RAB3C: variants seen among roughly 807,000 people sequenced by gnomAD.
The protein encoded by RAB3C is ras-related protein Rab-3C.
A neutral mutation model predicts 26.4 loss-of-function variants in RAB3C; 17 were observed. The observed-to-expected ratio is 0.64, with a 90% CI of 0.44 to 0.97. The LOEUF (loss-of-function observed/expected upper bound fraction) is 0.97. RAB3C is among the 50% of genes least tolerant of loss of function. The pLI, the probability that RAB3C is intolerant of heterozygous loss-of-function variation, is 0.00. For synonymous variants in RAB3C, 91 were observed against 95.9 expected (o/e 0.95, Z 0.30); for missense variants, 242 against 281.9 (o/e 0.86, Z 1.01).
intron 1 of RAB3C, among the ~76,000 whole-genome samples, chr5:58,611,851 T>C: frequency 6.6e-6 from 1 of 152,102 alleles, no homozygotes. Context: ...TCTTCCAGGG[T>C]TTTTATAGTT....
At chr5:58,837,698 A>C (rs973247363) in intron 4 of RAB3C, among the ~76,000 whole-genome samples, 1 of 150,280 alleles carries the variant, frequency 6.7e-6, no homozygotes, top group African/African-American at 2.4e-5. Flanking sequence ...AGCTGGAAGT[A>C]CAGGTGCCCA....
At position 58,859,086 on chromosome 5, in the gene RAB3C, A is replaced by C. The variant is rs189709204; in HGVS notation, c.*7735A>C. On this transcript the variant is annotated 3_prime_UTR_variant, in exon 5 of 5. Coordinates refer to ENST00000282878, the MANE Select transcript of RAB3C (RefSeq NM_138453.4). Reference sequence around the variant, plus strand: ...TGACTGCACTGTGGAACTCTTCTTAAGAAAATATTGAAAACAGCTTAATGC... The same window carrying C: ...TGACTGCACTGTGGAACTCTTCTTACGAAAATATTGAAAACAGCTTAATGC... The C allele has an allele frequency of 9.8e-5, 15 of 152,336 alleles. No homozygotes were observed. The highest frequency in any genetic ancestry group is 5.8e-4 in the East Asian group (3 of 5,180). 9.4% of individuals were successfully genotyped at this position (152,336 alleles called of 1,614,324 possible). A position where few individuals can be genotyped will look rare whatever the true frequency, so the allele number is the denominator to read the frequency against.
At position 58,597,541 on chromosome 5, in the gene RAB3C, T is replaced by C. The variant is rs1052364027; in HGVS notation, c.24+14309T>C. 3.0e-4 allele frequency among the ~76,000 whole-genome samples: 33 copies of C among 111,530 alleles called. 1 individual carries two copies. Among genetic ancestry groups the C allele is most frequent in the Non-Finnish European group, 3.8e-4 (22 of 57,388 alleles). 73.2% of individuals were successfully genotyped at this position (111,530 alleles called of 152,430 possible). ...ATATATAGTTCATTATATATAAGCA[T>C]ATAACAATATATAGTTCATTATATA... On this transcript the variant is annotated intron_variant, in intron 1 of 4. Transcript: ENST00000282878.
rs1747866522 is a variant in RAB3C at position 58,660,015 on chromosome 5, G to A, written c.252+42145G>A. Among the ~76,000 whole-genome samples, 7 of 151,932 alleles carry A rather than the reference G, an allele frequency of 4.6e-5. No individual in the cohort carries two copies. The South Asian group carries it at 1.2e-3, about 27-fold the overall frequency. ...GACAGCGATTTGGTCATGTTGCCCA[G>A]GCTAGTCTTGAATTCTTGAACTCAA... On this transcript the variant is annotated intron_variant, in intron 2 of 4. Transcript: ENST00000282878.
chr5:58,746,084 T>C (rs1741396906), intron 3 of RAB3C, among the ~76,000 whole-genome samples: 1 of 152,230 alleles, frequency 6.6e-6, no homozygotes, highest in African/African-American at 2.4e-5. Context: ...TGTAAGTTGA[T>C]AATTTATTTG....
At chr5:58,670,252 G>A (rs954791053) in intron 2 of RAB3C, among the ~76,000 whole-genome samples, 1 of 151,896 alleles carries the variant, frequency 6.6e-6, no homozygotes, top group Non-Finnish European at 1.5e-5. Context: ...AGTCTGTAGT[G>A]ATAAAGTCTT....
At chr5:58,810,376 T>TCTCTCG (rs775846208) in intron 3 of RAB3C, among the ~76,000 whole-genome samples, 120 of 148,552 alleles carry the variant, frequency 8.1e-4, no homozygotes, top group African/African-American at 9.4e-4. Context: ...TCTCTCTCTC[T>TCTCTCG]CTCTCTCTCT....
chr5:58,724,886 A>C (rs985817113), intron 2 of RAB3C, among the ~76,000 whole-genome samples: 1 of 151,440 alleles, frequency 6.6e-6, no homozygotes, highest in African/African-American at 2.4e-5. Flanking sequence ...ACATATATTT[A>C]TATTGCCTTT....
intron 3 of RAB3C, among the ~76,000 whole-genome samples, chr5:58,764,661 T>G (rs1023789236): frequency 6.6e-6 from 1 of 152,190 alleles, no homozygotes; most frequent in African/African-American, 2.4e-5. Context: ...GTTTGTCAAT[T>G]TTGATAGCAC....
At chr5:58,705,831 A>T (rs1748932532) in intron 2 of RAB3C, among the ~76,000 whole-genome samples, 1 of 152,164 alleles carries the variant, frequency 6.6e-6, no homozygotes, top group Non-Finnish European at 1.5e-5. Flanking sequence ...GAAATGAAGC[A>T]AATTAAATTT....
At position 58,732,111 on chromosome 5, in the gene RAB3C, T is replaced by A. The variant is rs577506035; in HGVS notation, c.371+5991T>A. On this transcript the variant is annotated intron_variant, in intron 3 of 4. Transcript: ENST00000282878. ...TTTTTTCTGTTTTGTTTTTTTTTTT[T>A]AAATTATACTTTAAGTTTTAGGGTA... Among the ~76,000 whole-genome samples, 547 of 145,934 alleles carry A rather than the reference T, an allele frequency of 3.7e-3. 2 individuals are homozygous for A. The highest frequency in any genetic ancestry group is 0.011 in the Middle Eastern group (3 of 270).
intron 2 of RAB3C, among the ~76,000 whole-genome samples, chr5:58,695,648 A>G (rs1022161450): frequency 2.0e-5 from 3 of 152,132 alleles, no homozygotes; most frequent in Admixed American, 6.5e-5. Flanking sequence ...CATCCCTTGT[A>G]AGTTGGATTC....
chr5:58,829,611 T>C (rs2112065761), intron 4 of RAB3C, among the ~76,000 whole-genome samples: 1 of 152,318 alleles, frequency 6.6e-6, no homozygotes, highest in South Asian at 2.1e-4. Context: ...AAGTCATTAT[T>C]AATAATTTGT....
At chr5:58,668,173 A>G (rs1051216792) in intron 2 of RAB3C, among the ~76,000 whole-genome samples, 4 of 152,136 alleles carry the variant, frequency 2.6e-5, no homozygotes, top group Non-Finnish European at 5.9e-5. Flanking sequence ...TTGTATTGCA[A>G]TTGCCCATGT....
At chr5:58,615,589 C>T (rs1468027602) in intron 1 of RAB3C, among the ~76,000 whole-genome samples, 2 of 152,016 alleles carry the variant, frequency 1.3e-5, no homozygotes, top group African/African-American at 4.8e-5. Context: ...GCCCTTTGGC[C>T]GGCATGTGTT....
chr5:58,686,048 T>C (rs1748438586), intron 2 of RAB3C, among the ~76,000 whole-genome samples: 1 of 152,124 alleles, frequency 6.6e-6, no homozygotes, highest in Admixed American at 6.6e-5. Context: ...AAATGTGAAT[T>C]AGAGGGAAAC....
intron 3 of RAB3C, among the ~76,000 whole-genome samples, chr5:58,795,099 T>C (rs1300219765): frequency 3.3e-5 from 5 of 152,166 alleles, no homozygotes; most frequent in Non-Finnish European, 5.9e-5. Context: ...ATTCTCAGGA[T>C]AGTGAGTAAG....
intron 4 of RAB3C, among the ~76,000 whole-genome samples, chr5:58,847,439 G>A (rs7714767): frequency 0.23 from 35,667 of 152,090 alleles, 4,254 homozygotes; most frequent in Non-Finnish European, 0.26. Flanking sequence ...TGGTGTGTAC[G>A]AATGGGAGAT....
chr5:58,625,214 T>A lies in RAB3C; in HGVS notation c.252+7344T>A, dbSNP rs184867814. ...CGACCAGCCACTGTGCATATTTTAT[T>A]TGCAATGCTGGAAATTTTATTTTTA... On this transcript the variant is annotated intron_variant, in intron 2 of 4. Coordinates refer to ENST00000282878, the MANE Select transcript of RAB3C (RefSeq NM_138453.4). Among the ~76,000 whole-genome samples the A allele has an allele frequency of 4.3e-3, 654 of 151,086 alleles. 5 individuals carry two copies. Among genetic ancestry groups the A allele is most frequent in the Non-Finnish European group, 7.3e-3 (491 of 67,322 alleles).
Sources: allele counts gnomAD v4.1 joint callset (sites outside exome capture counted in the v4.1 genomes callset), GRCh38; gene constraint gnomAD v4.1.1; transcripts MANE v1.5; gene names NCBI Gene and HGNC (gene_info 2026-07-23, HGNC 2026-07-21).